Variants in TENM2 observed in about 807,000 individuals in gnomAD.
The protein encoded by TENM2 is teneurin-2.
Under a neutral mutation model 245.2 loss-of-function variants are expected in TENM2, and 52 were observed. The observed-to-expected ratio is 0.21, with a 90% CI of 0.17 to 0.27. The LOEUF (loss-of-function observed/expected upper bound fraction) is 0.27, where lower values mean the gene tolerates loss of function less well. Among genes scored for constraint, TENM2 ranks in the 10% least tolerant of loss-of-function variants. The probability of loss-of-function intolerance (pLI) is 1.00; values close to 1 mark genes in which losing one functional copy is unlikely to be tolerated. For synonymous variants in TENM2, 1,363 were observed against 1,438.9 expected, an observed-to-expected ratio of 0.95 and a Z score of 1.19; for missense variants, 3,046 against 3,666.8, an observed-to-expected ratio of 0.83 and a Z score of 4.37.
chr5:167,749,098 G>A (rs746861737), intron 2 of TENM2, among the ~76,000 whole-genome samples: 8 of 151,840 alleles, frequency 5.3e-5, no homozygotes, highest in Non-Finnish European at 8.8e-5. Context: ...TAGACATACT[G>A]GTTTCATTAC....
chr5:167,455,827 A>G (rs1765887816), intron 2 of TENM2, among the ~76,000 whole-genome samples: 1 of 152,194 alleles, frequency 6.6e-6, no homozygotes, highest in Non-Finnish European at 1.5e-5. Flanking sequence ...AAAGACACCC[A>G]GCTGCTCTTA....
chr5:167,215,825 ATTCT>A, the TENM2 span, among the ~76,000 whole-genome samples: 1 of 152,218 alleles, frequency 6.6e-6, no homozygotes, highest in Non-Finnish European at 1.5e-5. Flanking sequence ...GGTATCAATG[ATTCT>A]TTCCTTGTTA....
At chr5:168,245,183 T>C (rs1650851482) in intron 26 of TENM2, among the ~76,000 whole-genome samples, 1 of 130,046 alleles carries the variant, frequency 7.7e-6, no homozygotes, top group Admixed American at 9.0e-5. Flanking sequence ...GGGAAGAAAA[T>C]CTGAAGGCAA....
intron 19 of TENM2, among the ~76,000 whole-genome samples, chr5:168,210,053 CTG>C (rs1762669286): frequency 6.6e-6 from 1 of 152,296 alleles, no homozygotes; most frequent in African/African-American, 2.4e-5. Context: ...CCTAAAGAGT[CTG>C]TGGTATTAAA....
chr5:167,998,388 C>T (rs972806021), intron 5 of TENM2, among the ~76,000 whole-genome samples: 3 of 152,080 alleles, frequency 2.0e-5, no homozygotes, highest in Non-Finnish European at 4.4e-5. Context: ...TAAAAGGCAT[C>T]GAAGTTCTTG....
exon 16 of TENM2, chr5:168,198,859 C>T (rs953738877): frequency 9.3e-6 from 15 of 1,613,620 alleles, no homozygotes; most frequent in African/African-American, 1.3e-5. Flanking sequence ...CCAGGTTCGA[C>T]CTGATCGCAA....
the TENM2 span, among the ~76,000 whole-genome samples, chr5:167,014,355 A>G: frequency 6.6e-6 from 1 of 152,122 alleles, no homozygotes; most frequent in East Asian, 1.9e-4. Flanking sequence ...AACAAACAAA[A>G]CAAAAGCAAG....
chr5:167,567,898 C>A (rs1342585575), intron 2 of TENM2, among the ~76,000 whole-genome samples: 1 of 150,630 alleles, frequency 6.6e-6, no homozygotes, highest in Non-Finnish European at 1.5e-5. Flanking sequence ...ATTGCATGCC[C>A]ACCAAATCAA....
chr5:167,062,131 A>G, the TENM2 span, among the ~76,000 whole-genome samples: 1 of 152,268 alleles, frequency 6.6e-6, no homozygotes, highest in African/African-American at 2.4e-5. Context: ...TTCCTCTTCT[A>G]TGAGTTGTTG....
At chr5:167,142,157 G>A in the TENM2 span, among the ~76,000 whole-genome samples, 1 of 152,150 alleles carries the variant, frequency 6.6e-6, no homozygotes, top group African/African-American at 2.4e-5. Flanking sequence ...AGATACGTGT[G>A]TTCATATAAG....
the TENM2 span, among the ~76,000 whole-genome samples, chr5:167,121,122 T>G: frequency 6.6e-6 from 1 of 152,072 alleles, no homozygotes; most frequent in Non-Finnish European, 1.5e-5. Flanking sequence ...CCAGGTTGCT[T>G]TGTGTGTGTG....
chr5:167,560,445 C>T (rs1018280611), intron 2 of TENM2, among the ~76,000 whole-genome samples: 1 of 151,958 alleles, frequency 6.6e-6, no homozygotes, highest in Non-Finnish European at 1.5e-5. Flanking sequence ...GAATTTAATG[C>T]AGATATTCGG....
chr5:168,158,864 CACACAT>C (rs1276632565), intron 12 of TENM2, among the ~76,000 whole-genome samples: 1 of 113,994 alleles, frequency 8.8e-6, no homozygotes, highest in African/African-American at 2.9e-5. Flanking sequence ...CACACACACA[CACACAT>C]ATATATGTAT....
chr5:167,203,964 C>T, the TENM2 span, among the ~76,000 whole-genome samples: 2 of 151,884 alleles, frequency 1.3e-5, no homozygotes, highest in Non-Finnish European at 2.9e-5. Flanking sequence ...AATTTGGATG[C>T]ATTATAATGC....
intron 6 of TENM2, among the ~76,000 whole-genome samples, chr5:168,056,850 G>A (rs1789582689): frequency 6.6e-6 from 1 of 152,056 alleles, no homozygotes; most frequent in African/African-American, 2.4e-5. Flanking sequence ...AGTTACAGTT[G>A]CCTACAGTAT....
intron 7 of TENM2, among the ~76,000 whole-genome samples, chr5:168,066,746 A>T (rs1016012403): frequency 2.0e-5 from 3 of 152,192 alleles, no homozygotes; most frequent in African/African-American, 7.2e-5. Flanking sequence ...TCAAATTCTT[A>T]TGGGGATGGT....
At chr5:167,330,116 T>A (rs1757351675) in intron 1 of TENM2, among the ~76,000 whole-genome samples, 1 of 152,184 alleles carries the variant, frequency 6.6e-6, no homozygotes. Context: ...CTTCTCTAAA[T>A]GTTGTTTCCT....
chr5:167,309,306 ACT>A (rs1162942972), intron 1 of TENM2, among the ~76,000 whole-genome samples: 3 of 152,202 alleles, frequency 2.0e-5, no homozygotes, highest in African/African-American at 7.2e-5. Flanking sequence ...TCTCTACTTT[ACT>A]ATGATGCAAA....
chr5:168,262,379 G>C, exon 29 of TENM2: 1 of 1,600,290 alleles, frequency 6.2e-7, no homozygotes, highest in Non-Finnish European at 8.5e-7. Flanking sequence ...TGGCGACCTG[G>C]TCACACTAGG....
Sources: allele counts gnomAD v4.1 joint callset (sites outside exome capture counted in the v4.1 genomes callset), GRCh38; gene constraint gnomAD v4.1.1; transcripts MANE v1.5; gene names NCBI Gene and HGNC (gene_info 2026-07-23, HGNC 2026-07-21).